KAZN: variants seen among roughly 807,000 people sequenced by gnomAD.
The protein encoded by KAZN is kazrin, periplakin interacting protein, also known as kazrin.
A neutral mutation model predicts 87.4 loss-of-function variants in KAZN; 40 were observed. The observed-to-expected ratio is 0.46, with a 90% CI of 0.36 to 0.60. The LOEUF (loss-of-function observed/expected upper bound fraction) is 0.60, where lower values mean the gene tolerates loss of function less well. Ranked by LOEUF, KAZN falls within the 20% of genes least tolerant of loss-of-function variation. The pLI, the probability that KAZN is intolerant of heterozygous loss-of-function variation, is 0.00. For missense variants in KAZN, 898 were observed against 1,073.9 expected, an observed-to-expected ratio of 0.84 and a Z score of 2.29; for synonymous variants, 466 against 458.3, an observed-to-expected ratio of 1.02 and a Z score of -0.22.
chr1:14,575,371 T>C (rs1334798947), intron 2 of KAZN, among the ~76,000 whole-genome samples: 4 of 152,138 alleles, frequency 2.6e-5, no homozygotes, highest in African/African-American at 9.7e-5. Flanking sequence ...TCTTACATGG[T>C]GGCAGACAAG....
intron 2 of KAZN, among the ~76,000 whole-genome samples, chr1:14,395,073 G>A (rs1244195073): frequency 2.6e-5 from 4 of 152,122 alleles, no homozygotes; most frequent in Admixed American, 1.3e-4. Flanking sequence ...TGGGGCTGAA[G>A]GATGGAAGGA....
intron 1 of KAZN, among the ~76,000 whole-genome samples, chr1:13,994,495 G>T (rs1330207515): frequency 6.6e-6 from 1 of 152,222 alleles, no homozygotes; most frequent in South Asian, 2.1e-4. Flanking sequence ...AGTTGCTGAA[G>T]TTTGTGTGTT....
chr1:13,920,081 C>T, intron 1 of KAZN, among the ~76,000 whole-genome samples: 1 of 151,902 alleles, frequency 6.6e-6, no homozygotes, highest in East Asian at 1.9e-4. Context: ...GAAACCCCAT[C>T]TCTACTAAAA....
chr1:14,653,761 G>A (rs1638604380), intron 1 of KAZN, among the ~76,000 whole-genome samples: 1 of 152,176 alleles, frequency 6.6e-6, no homozygotes, highest in Non-Finnish European at 1.5e-5. Flanking sequence ...GTGAATAAAG[G>A]TTAAGTCAAA....
chr1:14,702,259 G>C (rs1052400532), intron 1 of KAZN, among the ~76,000 whole-genome samples: 7 of 151,820 alleles, frequency 4.6e-5, no homozygotes, highest in African/African-American at 1.7e-4. Flanking sequence ...CTCCGTGCAG[G>C]AGTTCTGAAC....
chr1:14,437,423 G>A (rs1305348862), intron 2 of KAZN, among the ~76,000 whole-genome samples: 1 of 152,176 alleles, frequency 6.6e-6, no homozygotes, highest in Non-Finnish European at 1.5e-5. Context: ...CAACAATCAC[G>A]AGAAATGATG....
chr1:15,110,509 G>GTT (rs775658003), intron 13 of KAZN, among the ~76,000 whole-genome samples: 20 of 81,322 alleles, frequency 2.5e-4, no homozygotes, highest in Non-Finnish European at 4.1e-4. Context: ...GTGTGTATTT[G>GTT]TGTGTTTGTG....
intron 1 of KAZN, among the ~76,000 whole-genome samples, chr1:14,047,307 A>G (rs944045103): frequency 6.6e-6 from 1 of 152,156 alleles, no homozygotes; most frequent in Non-Finnish European, 1.5e-5. Context: ...GACAACCACT[A>G]ATCTCAGCCA....
rs1660047949 is a variant in KAZN, at chr1:14,366,903, T to C, written c.249+186311T>C. ...GGAAAAATCAGGTCTCACAAACGAA[T>C]GGAAGGGCAGTGAATGCAGAGGATC... On this transcript the variant is annotated intron_variant, in intron 2 of 16. Transcript: ENST00000636203. 2.0e-5 allele frequency among the ~76,000 whole-genome samples: 3 copies of C among 152,128 alleles called. No homozygotes were observed. In the South Asian group the frequency reaches 6.2e-4, roughly 31 times the overall value.
chr1:14,780,699 G>A (rs913514921), intron 1 of KAZN, among the ~76,000 whole-genome samples: 10 of 152,122 alleles, frequency 6.6e-5, no homozygotes, highest in East Asian at 1.9e-4. Context: ...TAAAAAATAC[G>A]AAGTGCTCAG....
At chr1:14,992,712 C>G (rs867208747) in intron 2 of KAZN, among the ~76,000 whole-genome samples, 2 of 152,114 alleles carry the variant, frequency 1.3e-5, no homozygotes, top group African/African-American at 4.8e-5. Flanking sequence ...AGCGCAATCT[C>G]GTCTCACTGC....
intron 2 of KAZN, among the ~76,000 whole-genome samples, chr1:14,395,511 T>C (rs557139319): frequency 1.6e-4 from 25 of 152,252 alleles, no homozygotes; most frequent in Non-Finnish European, 2.8e-4. Context: ...GGGCTGTGGC[T>C]GTGGCTGGTG....
At chr1:14,513,085 T>C (rs1021890702) in intron 2 of KAZN, among the ~76,000 whole-genome samples, 9 of 152,218 alleles carry the variant, frequency 5.9e-5, no homozygotes, top group African/African-American at 2.2e-4. Flanking sequence ...CAGCTCATTA[T>C]CCACAGCCTT....
chr1:14,040,574 C>CTGGT, intron 1 of KAZN, among the ~76,000 whole-genome samples: 1 of 152,152 alleles, frequency 6.6e-6, no homozygotes, highest in East Asian at 1.9e-4. Context: ...CCAGCCTGAC[C>CTGGT]AACATGGTGA....
At chr1:14,081,334 G>A (rs1252667060) in intron 1 of KAZN, among the ~76,000 whole-genome samples, 1 of 151,986 alleles carries the variant, frequency 6.6e-6, no homozygotes, top group Non-Finnish European at 1.5e-5. Flanking sequence ...TGACCACTCG[G>A]TACCACCCTG....
intron 2 of KAZN, among the ~76,000 whole-genome samples, chr1:14,258,951 A>G (rs2100644962): frequency 6.6e-6 from 1 of 152,346 alleles, no homozygotes; most frequent in Non-Finnish European, 1.5e-5. Flanking sequence ...AGCAAAATGC[A>G]GAGTAGCTCC....
chr1:14,208,576 T>C (rs1055684214), intron 2 of KAZN, among the ~76,000 whole-genome samples: 2 of 152,198 alleles, frequency 1.3e-5, no homozygotes, highest in Non-Finnish European at 2.9e-5. Context: ...AATAATCACT[T>C]TGTAATTACA....
At chr1:13,971,877 C>T (rs997886852) in intron 1 of KAZN, among the ~76,000 whole-genome samples, 19 of 152,170 alleles carry the variant, frequency 1.2e-4, no homozygotes, top group Admixed American at 6.6e-4. Flanking sequence ...CTCCTGCTTC[C>T]TCCATGTGAG....
chr1:14,520,876 C>A (rs1671549293), intron 2 of KAZN, among the ~76,000 whole-genome samples: 1 of 152,210 alleles, frequency 6.6e-6, no homozygotes, highest in African/African-American at 2.4e-5. Context: ...ATAATCCCAG[C>A]ACCTGCAGCA....
Sources: gnomAD v4.1 joint callset for allele counts (sites outside exome capture counted in the v4.1 genomes callset) on GRCh38, gnomAD v4.1.1 for gene constraint, MANE v1.5 for transcripts, NCBI Gene and HGNC (gene_info 2026-07-23, HGNC 2026-07-21) for gene names.